Variants in SNTG1 observed in about 807,000 individuals in gnomAD.
The protein encoded by SNTG1 is gamma-1-syntrophin.
In SNTG1, 39 loss-of-function variants were observed where a neutral mutation model predicts 74.7. That is an observed-to-expected ratio of 0.52 (90% CI 0.40 to 0.68). The LOEUF (loss-of-function observed/expected upper bound fraction) is 0.68, where lower values mean the gene tolerates loss of function less well. Ranked by LOEUF, SNTG1 falls within the 30% of genes least tolerant of loss-of-function variation. The pLI, the probability that SNTG1 is intolerant of heterozygous loss-of-function variation, is 0.00. For missense variants in SNTG1, 685 were observed against 609.5 expected (o/e 1.12, Z -1.30); for synonymous variants, 254 against 217.1 (o/e 1.17, Z -1.49).
intron 15 of SNTG1, among the ~76,000 whole-genome samples, chr8:50,663,731 A>G (rs2095236883): frequency 1.3e-5 from 2 of 152,288 alleles, no homozygotes; most frequent in Middle Eastern, 3.4e-3. Context: ...TCTCTTGTCT[A>G]ATCTACTGGA....
At chr8:50,009,861 C>A (rs1375442913) in intron 1 of SNTG1, among the ~76,000 whole-genome samples, 2 of 151,888 alleles carry the variant, frequency 1.3e-5, no homozygotes, top group African/African-American at 4.8e-5. Context: ...TCTCTGGGCA[C>A]GGTGATGCAT....
intron 2 of SNTG1, among the ~76,000 whole-genome samples, chr8:50,193,720 A>G (rs1157405590): frequency 6.6e-6 from 1 of 152,088 alleles, no homozygotes; most frequent in Non-Finnish European, 1.5e-5. Flanking sequence ...GAAGAAGAGT[A>G]GTGAGAGAGT....
At chr8:50,008,193 A>G (rs1815431067) in intron 1 of SNTG1, among the ~76,000 whole-genome samples, 1 of 152,186 alleles carries the variant, frequency 6.6e-6, no homozygotes, top group Non-Finnish European at 1.5e-5. Context: ...AGTTATTAAG[A>G]GCTCTAGAGT....
intron 18 of SNTG1, among the ~76,000 whole-genome samples, chr8:50,783,212 C>T (rs1193026114): frequency 6.6e-6 from 1 of 152,186 alleles, no homozygotes; most frequent in Non-Finnish European, 1.5e-5. Context: ...TGGAGAACCA[C>T]TGCTCTCTTC....
intron 6 of SNTG1, 147 bp from the exon 7 acceptor site, chr8:50,450,409 C>A: frequency 1.3e-6 from 1 of 767,238 alleles, no homozygotes; most frequent in Non-Finnish European, 2.1e-6. Context: ...TTTCGAATTT[C>A]CATTTTTTGT....
At chr8:50,484,112 CTT>C in intron 8 of SNTG1, among the ~76,000 whole-genome samples, 2 of 107,186 alleles carry the variant, frequency 1.9e-5, no homozygotes, top group African/African-American at 6.8e-5. Context: ...CTCTTTCTTT[CTT>C]TCTTTCTTTC....
rs905526724 is a variant in SNTG1 at position 49,997,833 on chromosome 8, T to C, written c.-103+85602T>C. Among the ~76,000 whole-genome samples, 92 of 152,316 alleles carry C rather than the reference T, an allele frequency of 6.0e-4. 1 individual carries two copies. Among genetic ancestry groups the C allele is most frequent in the African/African-American group, 2.2e-3 (91 of 41,576 alleles). ...ATTGTTTCATCTGGTTTCATGTCTT[T>C]AGAGATTATGCTAAGAATACAATTT... On this transcript the variant is annotated intron_variant, in intron 1 of 18. Transcript: ENST00000642720.
chr8:49,917,864 C>A (rs373844365), intron 1 of SNTG1, among the ~76,000 whole-genome samples: 339 of 152,218 alleles, frequency 2.2e-3, no homozygotes, highest in African/African-American at 7.8e-3. Flanking sequence ...AAAGTGAGCC[C>A]GTCAAGAGTC....
intron 2 of SNTG1, among the ~76,000 whole-genome samples, chr8:50,368,191 G>T (rs910677126): frequency 1.3e-5 from 2 of 152,142 alleles, no homozygotes; most frequent in Non-Finnish European, 2.9e-5. Flanking sequence ...ACAGGCCACT[G>T]TAAGCTGGAG....
At position 50,153,955 on chromosome 8, in the gene SNTG1, C is replaced by G. The variant is rs1043502264; in HGVS notation, c.-102-18606C>G. Among the ~76,000 whole-genome samples, 52 of 152,166 alleles carry G rather than the reference C, an allele frequency of 3.4e-4. 1 individual carries two copies. Among genetic ancestry groups the G allele is most frequent in the Non-Finnish European group, 1.2e-4 (8 of 68,026 alleles). ...TGTCAGACATGAACATTTAAGTCTG[C>G]AGAGGTTTTTGCTGCCTTTTGTTAG... On this transcript the variant is annotated intron_variant, in intron 1 of 18. Coordinates refer to ENST00000642720, the MANE Select transcript of SNTG1 (RefSeq NM_018967.5).
chr8:50,722,832 A>G (rs1296319597), intron 17 of SNTG1, among the ~76,000 whole-genome samples: 1 of 152,218 alleles, frequency 6.6e-6, no homozygotes, highest in Non-Finnish European at 1.5e-5. Flanking sequence ...AAGAAAAATT[A>G]TATGCTTATC....
intron 2 of SNTG1, among the ~76,000 whole-genome samples, chr8:50,255,554 T>G (rs1221432508): frequency 6.6e-6 from 1 of 152,214 alleles, no homozygotes; most frequent in Non-Finnish European, 1.5e-5. Flanking sequence ...AGCAAGAATC[T>G]GCTCTGTGCC....
At chr8:50,103,803 C>A (rs1172800689) in intron 1 of SNTG1, among the ~76,000 whole-genome samples, 4 of 152,166 alleles carry the variant, frequency 2.6e-5, no homozygotes, top group Non-Finnish European at 5.9e-5. Context: ...GCTTTTCCTG[C>A]ATCTATTGAG....
chr8:50,582,246 G>A (rs1421349681), intron 12 of SNTG1, among the ~76,000 whole-genome samples: 1 of 152,116 alleles, frequency 6.6e-6, no homozygotes, highest in East Asian at 1.9e-4. Context: ...TGTTGTAACT[G>A]AGCTATTCTC....
At chr8:50,526,014 T>G (rs1451026732) in intron 9 of SNTG1, among the ~76,000 whole-genome samples, 1 of 152,152 alleles carries the variant, frequency 6.6e-6, no homozygotes, top group African/African-American at 2.4e-5. Context: ...CTGGGTAAAG[T>G]GTCTCCCAAA....
rs375292541 is a variant in SNTG1 at position 50,075,790 on chromosome 8, C to T, written c.-102-96771C>T. On this transcript the variant is annotated intron_variant, in intron 1 of 18. Transcript: ENST00000642720. Reference sequence around the variant, plus strand: ...CCTGGGAGGAATGAACAACTCCAGACGCGCCGCCTTAAGAGCTATAACACT... The same window carrying T: ...CCTGGGAGGAATGAACAACTCCAGATGCGCCGCCTTAAGAGCTATAACACT... Among the ~76,000 whole-genome samples the T allele has an allele frequency of 6.6e-5, 10 of 152,190 alleles. No individual in the cohort carries two copies. The East Asian group carries it at 1.2e-3, about 18-fold the overall frequency.
intron 4 of SNTG1, among the ~76,000 whole-genome samples, chr8:50,405,134 T>C (rs1457792306): frequency 1.3e-5 from 2 of 152,098 alleles, no homozygotes; most frequent in Non-Finnish European, 2.9e-5. Context: ...TATGTTTGAG[T>C]CACCACTTTC....
At chr8:50,323,094 C>T (rs2090594820) in intron 2 of SNTG1, among the ~76,000 whole-genome samples, 1 of 124,132 alleles carries the variant, frequency 8.1e-6, no homozygotes, top group African/African-American at 2.7e-5. Context: ...GGCAACAGAG[C>T]AAGACTTGTC....
intron 1 of SNTG1, among the ~76,000 whole-genome samples, chr8:49,967,706 G>A (rs1811276296): frequency 6.6e-6 from 1 of 152,290 alleles, no homozygotes; most frequent in Middle Eastern, 3.4e-3. Flanking sequence ...TTCATTTGTA[G>A]TGAGAATTGA....
Sources: gnomAD v4.1 joint callset for allele counts (sites outside exome capture counted in the v4.1 genomes callset) on GRCh38, gnomAD v4.1.1 for gene constraint, MANE v1.5 for transcripts, NCBI Gene and HGNC (gene_info 2026-07-23, HGNC 2026-07-21) for gene names.